The following DCAF15 variants were observed in gnomAD, a reference collection of about 807,000 sequenced individuals.
The protein encoded by DCAF15 is DDB1- and CUL4-associated factor 15.
A neutral mutation model predicts 68.0 loss-of-function variants in DCAF15; 24 were observed. The observed-to-expected ratio is 0.35, with a 90% CI of 0.26 to 0.50. DCAF15 has a LOEUF of 0.50. Ranked by LOEUF, DCAF15 falls within the 20% of genes least tolerant of loss-of-function variation. The pLI is 0.98. For missense variants in DCAF15, 627 were observed against 830.6 expected, an observed-to-expected ratio of 0.75 and a Z score of 3.01; for synonymous variants, 376 against 341.6, an observed-to-expected ratio of 1.10 and a Z score of -1.11.
At chr19:13,954,735 A>C in intron 3 of DCAF15, 74 bp downstream of exon 3, 2 of 1,534,786 alleles carry the variant, frequency 1.3e-6, no homozygotes. Flanking sequence ...TCTGAGCCTC[A>C]GGTTCCTTGG....
chr19:13,960,062 C>A lies in DCAF15; in HGVS notation c.1519C>A (p.Gln507Lys). The A allele has an allele frequency of 1.2e-6, 2 of 1,613,664 alleles. No homozygotes were observed. Among genetic ancestry groups the A allele is most frequent in the South Asian group, 2.2e-5 (2 of 91,082 alleles). ...CTTCCCGTCCCCCACTGAGGAGGGC[C>A]AGCTCCGGTGAGCGCGGGGATCCTG... ...LAFPSPTEEGQLRPKTYHTSL... is the reference protein window; with the variant it reads ...LAFPSPTEEGKLRPKTYHTSL... Residue 507 changes from glutamine (Q) to lysine (K), a missense_variant, in exon 10 of 13, where the codon CAG (glutamine) becomes AAG (lysine). By Grantham distance (53) the Gln-to-Lys change is moderately conservative. Around this residue, in one of 3 missense-constraint regions of DCAF15, gnomAD observed 118 missense variants for 211.8 expected, o/e 0.56. Transcript: ENST00000254337.
In DCAF15 at chr19:13,961,088, A is replaced by G. The variant is rs535650813; in HGVS notation, c.*93A>G. 1.5e-5 allele frequency: 22 copies of G among 1,470,266 alleles called. No individual in the cohort carries two copies. In the South Asian group the frequency reaches 2.5e-4, roughly 17 times the overall value. 91.1% of individuals were successfully genotyped at this position (1,470,266 alleles called of 1,614,324 possible). On this transcript the variant is annotated 3_prime_UTR_variant, in exon 13 of 13. Coordinates refer to ENST00000254337, the MANE Select transcript of DCAF15 (RefSeq NM_138353.4). ...TGGCCTCTTCCTGGCCGGCTGGCCC[A>G]CCGACTGATGACCGGCACTAGTGTT...
In DCAF15 at chr19:13,956,072, TG is replaced by T. The variant is rs1200282855; in HGVS notation, c.474-46del. 3.7e-6 allele frequency: 6 copies of T among 1,609,950 alleles called. No homozygotes were observed. In the African/African-American group the frequency reaches 5.4e-5, roughly 14 times the overall value. On this transcript the variant is annotated intron_variant, in intron 4 of 12. Transcript: ENST00000254337. ...GCTGGTTGGGGCAGGGGGTGTGCAG[TG>T]GGGGCCCCCCAGGCGCCGACCAGGC...
Position 13,960,479 on chromosome 19 carries a change from G to A in DCAF15, c.1646G>A (p.Ser549Asn), listed in dbSNP as rs758240110. 6.2e-7 allele frequency: 1 copy of A among 1,611,792 alleles called. No individual in the cohort carries two copies. The highest frequency in any genetic ancestry group is 1.7e-5 in the Admixed American group (1 of 59,610). Residue 549 changes from serine (S) to asparagine (N), a missense_variant, in exon 12 of 13, where the codon AGC becomes AAC. This residue lies in a region of DCAF15 where 118 missense variants were observed against 211.8 expected (regional missense o/e 0.56). Coordinates refer to ENST00000254337, the MANE Select transcript of DCAF15 (RefSeq NM_138353.4). ...VKGQTSGSVW[S>N]SYRKSCVDMV... is the part of the protein sequence containing the mutation. ...TGGCCCCGCAGCGGCAGTGTCTGGA[G>A]CTCCTACCGCAAGAGCTGCGTGGAC...
In DCAF15 at chr19:13,959,902, C is replaced by CCAGGGCGGG; in HGVS notation, c.1440+13_1440+21dup. ...TGACATCGTCATTCTGGAGGTGGGC[C>CCAGGGCGGG]CAGGGCGGGCAGGGTGGGCCCAGGG... On this transcript the variant is annotated splice_region_variant and intron_variant, in intron 9 of 12. Transcript: ENST00000254337. 1 of 1,612,184 alleles carries CCAGGGCGGG rather than the reference C, an allele frequency of 6.2e-7. No individual in the cohort carries two copies. Among genetic ancestry groups the CCAGGGCGGG allele is most frequent in the Non-Finnish European group, 8.5e-7 (1 of 1,178,528 alleles).
At position 13,959,156 on chromosome 19, in the gene DCAF15, G is replaced by T. The variant is rs777783519; in HGVS notation, c.896G>T (p.Cys299Phe). The change falls in exon 7 of 13, where the codon TGC (cysteine) becomes TTC (phenylalanine). Residue 299 changes from cysteine (C) to phenylalanine (F), a missense_variant. Transcript: ENST00000254337. ...CTGCCCCCTGCCCTCCCCAGCTTCT[G>T]CCCTGAGGCGGCCCCAGCCCGTTCT... ...PELPPALPSF[C>F]PEAAPARSSG... 6.2e-7 allele frequency: 1 copy of T among 1,612,478 alleles called. No individual in the cohort carries two copies. Among genetic ancestry groups the T allele is most frequent in the East Asian group, 2.2e-5 (1 of 44,832 alleles).
Position 13,961,213 on chromosome 19 carries a change from G to A in DCAF15, c.*218G>A. On this transcript the variant is annotated 3_prime_UTR_variant, in exon 13 of 13. Transcript: ENST00000254337. Reference sequence around the variant, plus strand: ...TAAGTTGGGAAGGGGCAGAGAGAGGGCGCCCCCTGCCCCACCAGCCTGAGT... The same window carrying A: ...TAAGTTGGGAAGGGGCAGAGAGAGGACGCCCCCTGCCCCACCAGCCTGAGT... 1.6e-6 allele frequency: 1 copy of A among 608,464 alleles called. No homozygotes were observed. Among genetic ancestry groups the A allele is most frequent in the South Asian group, 1.9e-5 (1 of 52,064 alleles). The allele number at this position is 608,464 out of a possible 1,614,324, so 37.7% of individuals were successfully genotyped here. A position where few individuals can be genotyped will look rare whatever the true frequency, so the allele number is the denominator to read the frequency against.
Position 13,956,181 on chromosome 19 carries a change from C to T in DCAF15, c.532C>T (p.Arg178Cys). 1 of 1,611,070 alleles carries T rather than the reference C, an allele frequency of 6.2e-7. No homozygotes were observed. Among genetic ancestry groups the T allele is most frequent in the Non-Finnish European group, 8.5e-7 (1 of 1,179,338 alleles). The change falls in exon 5 of 13, where the codon CGT becomes TGT. Residue 178 changes from arginine (R) to cysteine (C), a missense_variant. Arg to Cys is a radical substitution (Grantham distance 180, BLOSUM62 -3). Coordinates refer to ENST00000254337, the MANE Select transcript of DCAF15 (RefSeq NM_138353.4). ...NMMMMSDENHRDIYVSTVAVP... is the reference protein window; with the variant it reads ...NMMMMSDENHCDIYVSTVAVP... ...GATGATGATGAGTGACGAGAACCACCGTGACATCTACGTCAGCACCGTGGC... is the reference window on the plus strand; with the variant it reads ...GATGATGATGAGTGACGAGAACCACTGTGACATCTACGTCAGCACCGTGGC...
Position 13,959,894 on chromosome 19 carries a change from A to AGGTGGGCCGAGGGCGGGCAG in DCAF15, c.1440+7_1440+8insGAGGGCGGGCAGGGTGGGCC. The AGGTGGGCCGAGGGCGGGCAG allele has an allele frequency of 6.7e-7, 1 of 1,499,468 alleles. No homozygotes were observed. The highest frequency in any genetic ancestry group is 1.5e-5 in the African/African-American group (1 of 67,966). The allele number at this position is 1,499,468 out of a possible 1,614,324, so 92.9% of individuals were successfully genotyped here. A position where few individuals can be genotyped will look rare whatever the true frequency, so the allele number is the denominator to read the frequency against. On this transcript the variant is annotated frameshift_variant and splice_region_variant, in exon 9 of 13. Transcript: ENST00000254337. LOFTEE classifies it high-confidence loss of function. ...AGCGACTATGACATCGTCATTCTGGAGGTGGGCCCAGGGCGGGCAGGGTGG... is the reference window on the plus strand; with the variant it reads ...AGCGACTATGACATCGTCATTCTGGAGGTGGGCCGAGGGCGGGCAGGGTGGGCCCAGGGCGGGCAGGGTGG...
At position 13,956,272 on chromosome 19, in the gene DCAF15, CCGAGGGGG is replaced by C; in HGVS notation, c.613+17_613+24del. On this transcript the variant is annotated intron_variant, in intron 5 of 12. Coordinates refer to ENST00000254337, the MANE Select transcript of DCAF15 (RefSeq NM_138353.4). ...AGCCGAGCCCACCCAGGTGAGGGGG[CCGAGGGGG>C]CGAGGGCCTCTTCCCCCCTCCCCCC... 5 of 1,611,918 alleles carry C rather than the reference CCGAGGGGG, an allele frequency of 3.1e-6. No individual in the cohort carries two copies. The highest frequency in any genetic ancestry group is 4.2e-6 in the Non-Finnish European group (5 of 1,179,394).
rs373365435 is a variant in DCAF15 at position 13,959,920 on chromosome 19, G to A, written c.1440+25G>A. On this transcript the variant is annotated intron_variant, in intron 9 of 12. Transcript: ENST00000254337. ...GGTGGGCCCAGGGCGGGCAGGGTGG[G>A]CCCAGGGCCTCCTGTACTCTGGGGT... 5.6e-6 allele frequency: 9 copies of A among 1,612,648 alleles called. No individual in the cohort carries two copies. In the East Asian group the frequency reaches 1.3e-4, roughly 24 times the overall value.
In DCAF15 at chr19:13,961,419, A is replaced by G. The variant is rs1474054560; in HGVS notation, c.*424A>G. 5.3e-6 allele frequency: 1 copy of G among 187,668 alleles called. No homozygotes were observed. The highest frequency in any genetic ancestry group is 1.1e-5 in the Non-Finnish European group (1 of 92,536). The allele number at this position is 187,668 out of a possible 1,614,324, so 11.6% of individuals were successfully genotyped here. A position where few individuals can be genotyped will look rare whatever the true frequency, so the allele number is the denominator to read the frequency against. ...GGCCATCCCCATTCCGTTCTTCTTC[A>G]TGTAATAAATGTTTTAATTTCTGAA... On this transcript the variant is annotated 3_prime_UTR_variant, in exon 13 of 13. Coordinates refer to ENST00000254337, the MANE Select transcript of DCAF15 (RefSeq NM_138353.4).
At chr19:13,960,884 G>A (rs1973600479) in intron 12 of DCAF15, 56 bp from the exon 13 acceptor site, 9 of 1,610,218 alleles carry the variant, frequency 5.6e-6, no homozygotes, top group Non-Finnish European at 5.1e-6. Context: ...TGGAGGGTGT[G>A]GCCGCAGGGC....
rs754445600 is a variant in DCAF15, at chr19:13,961,003, G to A, written c.*8G>A. ...ACGTGGATCGTGCTGTGAGGGCCAG[G>A]CCGCCCCGGACACTGACTCCAACTA... On this transcript the variant is annotated 3_prime_UTR_variant, in exon 13 of 13. Transcript: ENST00000254337. The A allele has an allele frequency of 2.0e-5, 33 of 1,613,458 alleles. No individual in the cohort carries two copies. Among genetic ancestry groups the A allele is most frequent in the Non-Finnish European group, 8.5e-7 (1 of 1,180,004 alleles).
At chr19:13,953,080 C>G (rs767234352) in intron 1 of DCAF15, 1 of 1,550,584 alleles carries the variant, frequency 6.4e-7, no homozygotes. Flanking sequence ...CCTCTCCCTG[C>G]CCAAGCCCCG....
intron 10 of DCAF15, 41 bp from the exon 11 acceptor site, chr19:13,960,246 C>T (rs375829382): frequency 1.7e-5 from 27 of 1,600,498 alleles, no homozygotes; most frequent in African/African-American, 2.7e-5. Context: ...TTCAGGAGCC[C>T]GGCTGTCCCA....
chr19:13,957,030 A>T (rs1973392016), intron 6 of DCAF15, among the ~76,000 whole-genome samples: 1 of 152,248 alleles, frequency 6.6e-6, no homozygotes, highest in South Asian at 2.1e-4. Flanking sequence ...TGTTGGGATG[A>T]CAGGCGTGAG....
rs1555746197 is a variant in DCAF15, at chr19:13,961,015, A to G, written c.*20A>G. The G allele has an allele frequency of 6.2e-7, 1 of 1,613,320 alleles. No homozygotes were observed. The highest frequency in any genetic ancestry group is 8.5e-7 in the Non-Finnish European group (1 of 1,179,988). On this transcript the variant is annotated 3_prime_UTR_variant, in exon 13 of 13. Transcript: ENST00000254337. ...CTGTGAGGGCCAGGCCGCCCCGGACACTGACTCCAACTACCTCCGTGGCCT... is the reference window on the plus strand; with the variant it reads ...CTGTGAGGGCCAGGCCGCCCCGGACGCTGACTCCAACTACCTCCGTGGCCT...
chr19:13,960,811 G>A, intron 12 of DCAF15, 129 bp from the exon 13 acceptor site: 1 of 1,194,182 alleles, frequency 8.4e-7, no homozygotes. Flanking sequence ...GCAGGCTAGA[G>A]GTGGAGGGCA....
Sources: gnomAD v4.1 joint callset for allele counts (sites outside exome capture counted in the v4.1 genomes callset) on GRCh38, gnomAD v4.1.1 for gene constraint, gnomAD v4.1.1 regional missense constraint, MANE v1.5 for transcripts, NCBI Gene and HGNC (gene_info 2026-07-23, HGNC 2026-07-21) for gene names.